Variants in PKD1L3 observed in about 807,000 individuals in gnomAD.
PKD1L3 encodes the protein polycystin-1-like protein 3.
A neutral mutation model predicts 184.1 loss-of-function variants in PKD1L3; 239 were observed. That is an observed-to-expected ratio of 1.30 (90% CI 1.17 to 1.45). The LOEUF (loss-of-function observed/expected upper bound fraction) is 1.45, where lower values mean the gene tolerates loss of function less well. Ranked by LOEUF, PKD1L3 falls within the 40% of genes most tolerant of loss-of-function variation. The pLI is 0.00. For synonymous variants in PKD1L3, 996 were observed against 778.8 expected, an observed-to-expected ratio of 1.28 and a Z score of -4.64; for missense variants, 2,660 against 2,067.2, an observed-to-expected ratio of 1.29 and a Z score of -5.56.
At chr16:71,955,729 G>A (rs1329321137) in intron 16 of PKD1L3, among the ~76,000 whole-genome samples, 1 of 152,124 alleles carries the variant, frequency 6.6e-6, no homozygotes, top group Non-Finnish European at 1.5e-5. Flanking sequence ...ACCAGGTGGA[G>A]ATAACTGAAT....
intron 12 of PKD1L3, among the ~76,000 whole-genome samples, chr16:71,972,108 T>G (rs2143638046): frequency 6.6e-6 from 1 of 151,898 alleles, no homozygotes; most frequent in East Asian, 1.9e-4. Flanking sequence ...CCTAGCTACT[T>G]GGGAGGCTGA....
At chr16:71,945,190 A>G (rs1468293059) in intron 22 of PKD1L3, among the ~76,000 whole-genome samples, 1 of 146,042 alleles carries the variant, frequency 6.8e-6, no homozygotes, top group South Asian at 2.2e-4. Context: ...TCAGATTTTA[A>G]TGTGCATAGG....
At chr16:71,949,674 G>T in intron 21 of PKD1L3, 109 bp downstream of exon 21, 1 of 1,039,598 alleles carries the variant, frequency 9.6e-7, no homozygotes, top group Admixed American at 2.6e-5. Context: ...TTTGTTTTTT[G>T]TTGTTTATGT....
intron 12 of PKD1L3, 142 bp downstream of exon 12, chr16:71,973,182 T>A (rs2039782956): frequency 9.9e-7 from 1 of 1,006,708 alleles, no homozygotes; most frequent in African/African-American, 1.6e-5. Context: ...ACAACCCTCC[T>A]CCCTCCTTTT....
intron 28 of PKD1L3, among the ~76,000 whole-genome samples, chr16:71,931,542 G>A (rs2037968599): frequency 7.5e-6 from 1 of 133,588 alleles, no homozygotes; most frequent in African/African-American, 2.9e-5. Flanking sequence ...TTGGCTCACT[G>A]CAACCTCCAC....
chr16:71,967,881 T>C (rs958906829), intron 14 of PKD1L3, 25 bp downstream of exon 14: 4 of 1,524,128 alleles, frequency 2.6e-6, no homozygotes, highest in Non-Finnish European at 3.6e-6. Context: ...CACAAGGCAA[T>C]GTGAAAAACA....
chr16:71,943,376 A>G (rs1198974720), intron 23 of PKD1L3, among the ~76,000 whole-genome samples: 2 of 151,992 alleles, frequency 1.3e-5, no homozygotes, highest in East Asian at 1.9e-4. Context: ...CCCATCTACT[A>G]GAAATACAAA....
chr16:71,977,499 G>T, intron 10 of PKD1L3, 32 bp from the exon 11 acceptor site: 1 of 1,465,562 alleles, frequency 6.8e-7, no homozygotes, highest in Non-Finnish European at 9.3e-7. Context: ...CATTATAATG[G>T]TCCATCCATT....
Position 71,990,300 on chromosome 16 carries a change from A to G in PKD1L3, c.565T>C (p.Tyr189His). The G allele has an allele frequency of 1.3e-6, 2 of 1,548,698 alleles. No individual in the cohort carries two copies. The highest frequency in any genetic ancestry group is 1.4e-5 in the African/African-American group (1 of 73,114). ...CTTACAAGATGAGCAGGAAGAGGAT[A>G]GTGACATGTGGTTGGAAGATGACCA... The part of the protein sequence containing the change: ...GPGHLPTTCH[Y>H]PLPAHLSKTL... Residue 189 changes from tyrosine to histidine, a missense_variant, in exon 4 of 30, where the codon TAT (tyrosine) becomes CAT (histidine). Transcript: ENST00000620267.
rs1040815046 is a variant in PKD1L3, at chr16:72,000,383, G to C, written c.-405C>G. ...GGGTCTCATTCTGTTGGTCAGGCTG[G>C]AGTGCAGTGGCATGATCTCAGCTCA... On this transcript the variant is annotated 5_prime_UTR_variant, in exon 1 of 30. Coordinates refer to ENST00000620267, the MANE Select transcript of PKD1L3 (RefSeq NM_181536.2). 6.6e-6 allele frequency among the ~76,000 whole-genome samples: 1 copy of C among 152,054 alleles called. No homozygotes were observed. The highest frequency in any genetic ancestry group is 2.4e-5 in the African/African-American group (1 of 41,394).
intron 5 of PKD1L3, among the ~76,000 whole-genome samples, chr16:71,985,175 T>C (rs929614061): frequency 1.2e-4 from 19 of 152,330 alleles, no homozygotes; most frequent in East Asian, 1.2e-3. Flanking sequence ...TTAGATATTC[T>C]GTACTTCAGG....
chr16:71,960,972 G>A (rs2039255359), intron 16 of PKD1L3, among the ~76,000 whole-genome samples: 1 of 152,056 alleles, frequency 6.6e-6, no homozygotes, highest in South Asian at 2.1e-4. Flanking sequence ...AAGTTTTGGT[G>A]AAGGAGAGAA....
chr16:71,986,561 G>A (rs960160304), intron 4 of PKD1L3, 92 bp from the exon 5 acceptor site: 3 of 1,356,896 alleles, frequency 2.2e-6, no homozygotes, highest in Non-Finnish European at 3.0e-6. Context: ...CTGAAACTCT[G>A]TCCTATGAGA....
chr16:71,984,706 A>C (rs1417286300), intron 5 of PKD1L3, among the ~76,000 whole-genome samples: 2 of 152,210 alleles, frequency 1.3e-5, no homozygotes, highest in Non-Finnish European at 2.9e-5. Context: ...TAAAAATACA[A>C]AAATTAACCA....
In PKD1L3 at chr16:71,982,129, A is replaced by G; in HGVS notation, c.1073T>C (p.Phe358Ser). 1 of 1,552,030 alleles carries G rather than the reference A, an allele frequency of 6.4e-7. No homozygotes were observed. The highest frequency in any genetic ancestry group is 8.7e-7 in the Non-Finnish European group (1 of 1,147,042). The change falls in exon 7 of 30, where the codon TTT (phenylalanine) becomes TCT (serine). Residue 358 changes from phenylalanine to serine, a missense_variant. Coordinates refer to ENST00000620267, the MANE Select transcript of PKD1L3 (RefSeq NM_181536.2). ...GFKVPPTVCP[F>S]HSLNNVTKAG... is the part of the protein sequence containing the mutation. ...TTTGGTGACATTGTTGAGGGAATGAAAGGGGCAGACAGTTGGAGGAACTTT... is the reference window on the plus strand; with the variant it reads ...TTTGGTGACATTGTTGAGGGAATGAGAGGGGCAGACAGTTGGAGGAACTTT...
intron 12 of PKD1L3, among the ~76,000 whole-genome samples, chr16:71,972,388 G>T (rs2039748498): frequency 6.7e-6 from 1 of 150,164 alleles, no homozygotes. Flanking sequence ...CAACAAGAGG[G>T]AAACTCCCTC....
intron 28 of PKD1L3, chr16:71,931,036 A>G (rs1234589864): frequency 6.6e-6 from 1 of 152,184 alleles, no homozygotes; most frequent in East Asian, 1.9e-4. Context: ...TACAAGACTT[A>G]TTTCCAATAA....
intron 9 of PKD1L3, 125 bp from the exon 10 acceptor site, chr16:71,978,508 TATATATATATATAC>T (rs1283541364): frequency 8.4e-5 from 13 of 155,590 alleles, no homozygotes; most frequent in East Asian, 6.7e-4. Context: ...TATATATATA[TATATATATATATAC>T]ATACATACAT....
chr16:71,946,225 G>A (rs2038598815), intron 22 of PKD1L3, among the ~76,000 whole-genome samples: 2 of 152,160 alleles, frequency 1.3e-5, no homozygotes, highest in Non-Finnish European at 2.9e-5. Flanking sequence ...ATCTCACAAG[G>A]AATGGAGTGC....
Sources: gnomAD v4.1 joint callset for allele counts (sites outside exome capture counted in the v4.1 genomes callset) on GRCh38, gnomAD v4.1.1 for gene constraint, MANE v1.5 for transcripts, NCBI Gene and HGNC (gene_info 2026-07-23, HGNC 2026-07-21) for gene names.